The following ROPN1B variants were observed in gnomAD, a reference collection of about 807,000 sequenced individuals.
ROPN1B encodes the protein rhophilin associated tail protein 1B, also known as ropporin-1B.
Under a neutral mutation model 23.7 loss-of-function variants are expected in ROPN1B, and 13 were observed. The ratio of observed to expected loss-of-function variants is 0.55; its 90% CI spans 0.36 to 0.87. The LOEUF is 0.87. Among genes scored for constraint, ROPN1B ranks in the 40% least tolerant of loss-of-function variants. The pLI is 0.01. For missense variants in ROPN1B, 183 were observed against 249.2 expected (o/e 0.73, Z 1.79); for synonymous variants, 67 against 100.4 (o/e 0.67, Z 1.99).
intron 5 of ROPN1B, 151 bp downstream of exon 5, chr3:125,977,316 AT>A (rs1427641574): frequency 1.9e-6 from 2 of 1,070,680 alleles, no homozygotes; most frequent in Non-Finnish European, 1.4e-6. Flanking sequence ...AAGCAAGGTC[AT>A]TTCTGTGCTC....
At chr3:125,969,853 T>C (rs1938130431) in intron 1 of ROPN1B, among the ~76,000 whole-genome samples, 1 of 151,494 alleles carries the variant, frequency 6.6e-6, no homozygotes, top group Non-Finnish European at 1.5e-5. Context: ...TCAGGCATTA[T>C]TTTATACCTG....
intron 5 of ROPN1B, among the ~76,000 whole-genome samples, chr3:125,979,722 G>A (rs1026709333): frequency 1.7e-4 from 26 of 152,230 alleles, no homozygotes; most frequent in African/African-American, 5.5e-4. Context: ...CAAGCCCAGA[G>A]TTTCTCTTTC....
At chr3:125,978,671 C>T (rs979584707) in intron 5 of ROPN1B, among the ~76,000 whole-genome samples, 3 of 152,194 alleles carry the variant, frequency 2.0e-5, no homozygotes, top group African/African-American at 4.8e-5. Context: ...TTGGTCTCGT[C>T]TCTCCCAGAT....
chr3:125,982,663 C>T (rs1004554953), intron 6 of ROPN1B, among the ~76,000 whole-genome samples: 7 of 152,268 alleles, frequency 4.6e-5, no homozygotes, highest in East Asian at 1.9e-4. Flanking sequence ...CTAGCAGTAG[C>T]GGCAGCGGCA....
intron 2 of ROPN1B, 64 bp from the exon 3 acceptor site, chr3:125,971,979 C>A: frequency 1.3e-6 from 2 of 1,489,458 alleles, no homozygotes; most frequent in Non-Finnish European, 1.8e-6. Context: ...GACCTCCTGT[C>A]CAGGATTGCT....
chr3:125,975,711 T>C (rs747623041), intron 4 of ROPN1B, 31 bp downstream of exon 4: 2 of 1,573,592 alleles, frequency 1.3e-6, no homozygotes, highest in Admixed American at 1.8e-5. Flanking sequence ...TTGAGGAGAA[T>C]GTAGGGACAG....
chr3:125,976,686 T>C (rs1012390017), intron 4 of ROPN1B: 8 of 488,770 alleles, frequency 1.6e-5, no homozygotes, highest in Non-Finnish European at 2.7e-5. Flanking sequence ...CTATCTGTCA[T>C]ATAAGGAATA....
In ROPN1B at chr3:125,983,383, C is replaced by G. The variant is rs1938677718; in HGVS notation, c.*63C>G. The G allele has an allele frequency of 9.4e-7, 1 of 1,066,278 alleles. No homozygotes were observed. Among genetic ancestry groups the G allele is most frequent in the Non-Finnish European group, 1.5e-6 (1 of 685,314 alleles). 66.1% of individuals were successfully genotyped at this position (1,066,278 alleles called of 1,614,324 possible). Reference sequence around the variant, plus strand: ...GTGATTGTACTTCAGAATGATAAACCCATATACCACCTAAAATCAATTTTC... The same window carrying G: ...GTGATTGTACTTCAGAATGATAAACGCATATACCACCTAAAATCAATTTTC... On this transcript the variant is annotated 3_prime_UTR_variant, in exon 7 of 7. Transcript: ENST00000514116.
Position 125,975,436 on chromosome 3 carries a change from T to C in ROPN1B, c.117-127T>C, listed in dbSNP as rs534611548. 139 of 893,980 alleles carry C rather than the reference T, an allele frequency of 1.6e-4. No homozygotes were observed. In the East Asian group the frequency reaches 3.2e-3, roughly 21 times the overall value. 55.4% of individuals were successfully genotyped at this position (893,980 alleles called of 1,614,324 possible). On this transcript the variant is annotated intron_variant, in intron 3 of 6. Transcript: ENST00000514116. ...TAAGTGAACTAAACACAATGACACA[T>C]AGAAGCCACTTTACAAAGGTTCCTT...
chr3:125,981,046 G>A (rs924808560), intron 5 of ROPN1B, among the ~76,000 whole-genome samples: 7 of 151,976 alleles, frequency 4.6e-5, no homozygotes, highest in Non-Finnish European at 5.9e-5. Context: ...TTTTGACATC[G>A]TGTGGTTTAT....
At chr3:125,976,168 G>A (rs572475401) in intron 4 of ROPN1B, among the ~76,000 whole-genome samples, 37 of 152,264 alleles carry the variant, frequency 2.4e-4, no homozygotes, top group South Asian at 6.2e-4. Flanking sequence ...AGGAGGGTCC[G>A]GCTTGAGAAA....
At chr3:125,978,255 G>C (rs1347298046) in intron 5 of ROPN1B, among the ~76,000 whole-genome samples, 1 of 145,934 alleles carries the variant, frequency 6.9e-6, no homozygotes, top group Non-Finnish European at 1.5e-5. Context: ...ATCACAAACG[G>C]GAAGATAAAA....
chr3:125,981,771 T>C (rs1938618909), intron 5 of ROPN1B, among the ~76,000 whole-genome samples: 2 of 152,184 alleles, frequency 1.3e-5, no homozygotes, highest in African/African-American at 4.8e-5. Flanking sequence ...AAGGTTTATC[T>C]TGATGTTCAA....
chr3:125,971,449 C>T (rs1938201205), intron 2 of ROPN1B, among the ~76,000 whole-genome samples: 2 of 152,082 alleles, frequency 1.3e-5, no homozygotes. Flanking sequence ...TCAATTTGTC[C>T]TGGAACTTTT....
intron 3 of ROPN1B, 65 bp downstream of exon 3, chr3:125,972,235 C>A: frequency 6.5e-7 from 1 of 1,530,280 alleles, no homozygotes; most frequent in Non-Finnish European, 9.0e-7. Context: ...CCTGTAAAAC[C>A]GCGGAGGTTG....
At chr3:125,975,832 C>T in intron 4 of ROPN1B, 152 bp downstream of exon 4, 1 of 655,760 alleles carries the variant, frequency 1.5e-6, no homozygotes, top group Non-Finnish European at 2.4e-6. Context: ...TAAATCTTCC[C>T]TTGGGGAAAT....
chr3:125,978,455 G>A (rs751876720), intron 5 of ROPN1B, among the ~76,000 whole-genome samples: 2 of 152,166 alleles, frequency 1.3e-5, no homozygotes, highest in Admixed American at 6.5e-5. Context: ...TTAGTCTGAT[G>A]CAGTAACTGA....
chr3:125,975,698 G>A lies in ROPN1B; in HGVS notation c.234+18G>A, dbSNP rs1446437967. ...ATTCTCAGGTAAGGGCCCTGCTGCAGCATTGAGGAGAATGTAGGGACAGTG... is the reference window on the plus strand; with the variant it reads ...ATTCTCAGGTAAGGGCCCTGCTGCAACATTGAGGAGAATGTAGGGACAGTG... On this transcript the variant is annotated intron_variant, in intron 4 of 6. Transcript: ENST00000514116. 11 of 1,591,118 alleles carry A rather than the reference G, an allele frequency of 6.9e-6. No homozygotes were observed. In the Admixed American group the frequency reaches 1.9e-4, roughly 27 times the overall value.
At chr3:125,978,033 G>T (rs1285522059) in intron 5 of ROPN1B, 1 of 152,162 alleles carries the variant, frequency 6.6e-6, no homozygotes, top group South Asian at 2.1e-4. Context: ...TTGTTTCTGA[G>T]AAAATTTAGC....
Sources: gnomAD v4.1 joint callset for allele counts (sites outside exome capture counted in the v4.1 genomes callset) on GRCh38, gnomAD v4.1.1 for gene constraint, MANE v1.5 for transcripts, NCBI Gene and HGNC (gene_info 2026-07-23, HGNC 2026-07-21) for gene names.